LYPD4: variants seen among roughly 807,000 people sequenced by gnomAD.
LYPD4 encodes the protein ly6/PLAUR domain-containing protein 4.
Under a neutral mutation model 18.2 loss-of-function variants are expected in LYPD4, and 20 were observed. That is an observed-to-expected ratio of 1.10 (90% CI 0.77 to 1.59). The LOEUF is 1.59. Among genes scored for constraint, LYPD4 ranks in the 40% most tolerant of loss-of-function variants. LYPD4 has a pLI of 0.00. For synonymous variants in LYPD4, 111 were observed against 118.3 expected (o/e 0.94, Z 0.40); for missense variants, 278 against 300.3 (o/e 0.93, Z 0.55).
chr19:41,837,176 G>A lies in LYPD4; in HGVS notation c.708C>T (p.Val236=), dbSNP rs148256898. 540 of 1,614,008 alleles carry A rather than the reference G, an allele frequency of 3.3e-4. No individual in the cohort carries two copies. The highest frequency in any genetic ancestry group is 6.6e-4 in the Middle Eastern group (4 of 6,058). Residue 236 remains valine (V), a synonymous_variant, in exon 5 of 5, where the codon GTC becomes GTT. Transcript: ENST00000609812. ...TGAAGGCAAACAGGAGGCCTAAGAC[G>A]ACACCCCAAGCAGGATCTTGCCTGG... ...ASSRQDPAWG[V]VLGLLFAFRD is the part of the protein sequence containing the mutation.
Position 41,839,422 on chromosome 19 carries a change from AT to A in LYPD4, c.-120-18del. The A allele has an allele frequency of 2.5e-6, 2 of 800,282 alleles. No individual in the cohort carries two copies. Among genetic ancestry groups the A allele is most frequent in the Non-Finnish European group, 4.2e-6 (2 of 481,250 alleles). The allele number at this position is 800,282 out of a possible 1,614,324, so 49.6% of individuals were successfully genotyped here. A position where few individuals can be genotyped will look rare whatever the true frequency, so the allele number is the denominator to read the frequency against. On this transcript the variant is annotated intron_variant, in intron 1 of 4. Coordinates refer to ENST00000609812, the MANE Select transcript of LYPD4 (RefSeq NM_173506.7). ...TCACTGTTTCTGGAGCAGAAAGTTG[AT>A]TGCATCAGCTTCTAGGACATAGGCT...
rs782056002 is a variant in LYPD4, at chr19:41,837,281, A to G, written c.603T>C (p.Asp201=). 6.2e-7 allele frequency: 1 copy of G among 1,614,018 alleles called. No individual in the cohort carries two copies. The highest frequency in any genetic ancestry group is 1.1e-5 in the South Asian group (1 of 91,088). The change falls in exon 5 of 5, where the codon GAT becomes GAC. Residue 201 remains aspartate (D), a synonymous_variant. Transcript: ENST00000609812. ...CAREHNQLLA[D]FHHIGSIKVT... ...CTTTGATGCTCCCAATATGATGAAA[A>G]TCTGCTAAAAGCTGGTTATGTTCAC...
rs782341392 is a variant in LYPD4, at chr19:41,837,109, AGAGTCTGGGT to A, written c.*24_*33del. 3 of 1,612,782 alleles carry A rather than the reference AGAGTCTGGGT, an allele frequency of 1.9e-6. No individual in the cohort carries two copies. In the Admixed American group the frequency reaches 5.0e-5, roughly 27 times the overall value. On this transcript the variant is annotated 3_prime_UTR_variant, in exon 5 of 5. Transcript: ENST00000609812. ...TCTGCTATTTTATTTGTTATGTGAA[AGAGTCTGGGT>A]GCTTGTCGGGTGCAGCTAGATGGTC...
downstream of LYPD4, among the ~76,000 whole-genome samples, chr19:41,836,743 G>GA (rs79552823): frequency 5.1e-3 from 674 of 130,942 alleles, 3 homozygotes; most frequent in African/African-American, 0.011. Context: ...TCAAAAAAAG[G>GA]AAAAAAAAAA....
rs782707890 is a variant in LYPD4 at position 41,838,312 on chromosome 19, C to A, written c.212-51G>T. 4.9e-6 allele frequency: 7 copies of A among 1,431,016 alleles called. No individual in the cohort carries two copies. In the South Asian group the frequency reaches 1.1e-4, roughly 22 times the overall value. The allele number at this position is 1,431,016 out of a possible 1,614,324, so 88.6% of individuals were successfully genotyped here. A position where few individuals can be genotyped will look rare whatever the true frequency, so the allele number is the denominator to read the frequency against. ...TCAGATCAGTGTCACTGGCCTCACC[C>A]AGAGTCCTCCCTCCCCCCAGCTCTT... On this transcript the variant is annotated intron_variant, in intron 3 of 4. Transcript: ENST00000609812.
chr19:41,842,532 C>T (rs1004718474), intron 1 of LYPD4, among the ~76,000 whole-genome samples: 8 of 151,676 alleles, frequency 5.3e-5, no homozygotes, highest in South Asian at 2.1e-4. Context: ...CTGAGGTGGG[C>T]GGATCACCTG....
At position 41,839,181 on chromosome 19, in the gene LYPD4, T is replaced by C. The variant is rs782253967; in HGVS notation, c.67+38A>G. On this transcript the variant is annotated intron_variant, in intron 2 of 4. Coordinates refer to ENST00000609812, the MANE Select transcript of LYPD4 (RefSeq NM_173506.7). ...AGTGACATGAATCCAGCCTCCCACC[T>C]TTCTGGGTCTTATAGCATCCAGCCC... The C allele has an allele frequency of 2.5e-5, 41 of 1,613,980 alleles. No individual in the cohort carries two copies. In the South Asian group the frequency reaches 4.3e-4, roughly 17 times the overall value.
In LYPD4 at chr19:41,838,324, T is replaced by C. The variant is rs989618850; in HGVS notation, c.212-63A>G. 12 of 1,356,578 alleles carry C rather than the reference T, an allele frequency of 8.8e-6. No individual in the cohort carries two copies. The East Asian group carries it at 1.8e-4, about 21-fold the overall frequency. 84.0% of individuals were successfully genotyped at this position (1,356,578 alleles called of 1,614,324 possible). A position where few individuals can be genotyped will look rare whatever the true frequency, so the allele number is the denominator to read the frequency against. ...CACTGGCCTCACCCAGAGTCCTCCC[T>C]CCCCCCAGCTCTTTCTGCACCCACC... On this transcript the variant is annotated intron_variant, in intron 3 of 4. Transcript: ENST00000609812.
chr19:41,838,930 C>A lies in LYPD4; in HGVS notation c.162G>T (p.Val54=), dbSNP rs78978026. The A allele has an allele frequency of 6.2e-7, 1 of 1,613,874 alleles. No individual in the cohort carries two copies. Among genetic ancestry groups the A allele is most frequent in the African/African-American group, 1.3e-5 (1 of 74,838 alleles). The part of the protein sequence containing the change: ...NWKWLLMRNM[V]CKLQEGCEET... ...CCTCGCAGCCCTCTTGCAGCTTACA[C>A]ACCATGTTCCTCATCAGAAGCCACT... Residue 54 remains valine (V), a synonymous_variant, in exon 3 of 5, where the codon GTG becomes GTT. Transcript: ENST00000609812.
chr19:41,842,286 C>T (rs191184074), intron 1 of LYPD4, among the ~76,000 whole-genome samples: 1 of 152,190 alleles, frequency 6.6e-6, no homozygotes, highest in Non-Finnish European at 1.5e-5. Context: ...ACCTCGGCCT[C>T]CCAAAGTGCT....
chr19:41,836,619 AAC>A (rs1364329408), downstream of LYPD4, among the ~76,000 whole-genome samples: 7 of 152,218 alleles, frequency 4.6e-5, 1 homozygote, highest in African/African-American at 1.7e-4. Flanking sequence ...CTGGTGGTCA[AAC>A]ACAGTCGCTC....
chr19:41,843,001 C>A (rs142130540), intron 1 of LYPD4, among the ~76,000 whole-genome samples: 1 of 125,306 alleles, frequency 8.0e-6, no homozygotes, highest in East Asian at 2.4e-4. Flanking sequence ...AGTTCTGGAC[C>A]AGCCTGGTTA....
chr19:41,840,829 C>CAA (rs748060318), intron 1 of LYPD4, among the ~76,000 whole-genome samples: 1 of 122,134 alleles, frequency 8.2e-6, no homozygotes, highest in African/African-American at 3.4e-5. Flanking sequence ...AACTCCGTCT[C>CAA]AAAAAAAAAA....
At chr19:41,836,520 T>A (rs1351810553), downstream of LYPD4, among the ~76,000 whole-genome samples, 8 of 151,800 alleles carry the variant, frequency 5.3e-5, no homozygotes, top group South Asian at 2.1e-4. Flanking sequence ...TTAAATGATA[T>A]CCTGTATGTA....
At chr19:41,836,999 C>G, downstream of LYPD4, 2 of 1,447,616 alleles carry the variant, frequency 1.4e-6, no homozygotes, top group South Asian at 1.4e-5. Flanking sequence ...TCCTGGGTCC[C>G]CACCTCCCTG....
chr19:41,838,555 C>T (rs768544056), intron 3 of LYPD4, among the ~76,000 whole-genome samples: 66 of 152,198 alleles, frequency 4.3e-4, no homozygotes, highest in Non-Finnish European at 7.6e-4. Context: ...CACAACACAA[C>T]CAGTGGGGCC....
Position 41,839,329 on chromosome 19 carries a change from C to G in LYPD4, c.-44G>C. Reference sequence around the variant, plus strand: ...TGGGTGCTAGAGGTCAGTCTGGAATCAGTTTCAGTCTGGATCCCAAGCTCA... The same window carrying G: ...TGGGTGCTAGAGGTCAGTCTGGAATGAGTTTCAGTCTGGATCCCAAGCTCA... On this transcript the variant is annotated 5_prime_UTR_variant, in exon 2 of 5. Coordinates refer to ENST00000609812, the MANE Select transcript of LYPD4 (RefSeq NM_173506.7). The G allele has an allele frequency of 6.3e-7, 1 of 1,575,258 alleles. No homozygotes were observed. Among genetic ancestry groups the G allele is most frequent in the Non-Finnish European group, 8.7e-7 (1 of 1,144,746 alleles).
rs782486302 is a variant in LYPD4 at position 41,838,981 on chromosome 19, G to C, written c.111C>G (p.Phe37Leu). ...TCCAGTTATGGAAAGCAACAGCTCT[G>C]AATCTTGAGGCTGTTGCTTCATAGC... ...LLCYEATASR[F>L]RAVAFHNWKW... Residue 37 changes from phenylalanine to leucine, a missense_variant, in exon 3 of 5, where the codon TTC becomes TTG. Physicochemically the swap from Phe to Leu is conservative, Grantham distance 22. Coordinates refer to ENST00000609812, the MANE Select transcript of LYPD4 (RefSeq NM_173506.7). 7.4e-6 allele frequency: 12 copies of C among 1,613,708 alleles called. No individual in the cohort carries two copies. In the South Asian group the frequency reaches 1.3e-4, roughly 18 times the overall value.
chr19:41,838,214 A>C lies in LYPD4; in HGVS notation c.259T>G (p.Ser87Ala). Residue 87 changes from serine to alanine, a missense_variant, in exon 4 of 5, where the codon TCT (serine) becomes GCT (alanine). Transcript: ENST00000609812. Reference protein sequence around the residue: ...VGFKGCSSSSSYPAQISYLVS... With the variant: ...VGFKGCSSSSAYPAQISYLVS... ...AGGTAGGAGATTTGCGCAGGGTAAG[A>C]CGAAGACGAGCTGCAGCCTTTAAAG... 1 of 1,557,108 alleles carries C rather than the reference A, an allele frequency of 6.4e-7. No homozygotes were observed. The highest frequency in any genetic ancestry group is 8.7e-7 in the Non-Finnish European group (1 of 1,150,538).
Sources: gnomAD v4.1 joint callset for allele counts (sites outside exome capture counted in the v4.1 genomes callset) on GRCh38, gnomAD v4.1.1 for gene constraint, MANE v1.5 for transcripts, NCBI Gene and HGNC (gene_info 2026-07-23, HGNC 2026-07-21) for gene names.